INTS3: variants seen among roughly 807,000 people sequenced by gnomAD.
The protein encoded by INTS3 is SOSS complex subunit A.
INTS3 carries 34 observed loss-of-function variants against 146.3 expected under a neutral mutation model. The observed-to-expected ratio is 0.23, with a 90% CI of 0.18 to 0.31. INTS3 has a LOEUF of 0.31. Ranked by LOEUF, INTS3 falls within the 10% of genes least tolerant of loss-of-function variation. The pLI is 1.00. For synonymous variants in INTS3, 475 were observed against 494.9 expected, an observed-to-expected ratio of 0.96 and a Z score of 0.53; for missense variants, 757 against 1,304.2, an observed-to-expected ratio of 0.58 and a Z score of 6.46.
intron 1 of INTS3, among the ~76,000 whole-genome samples, chr1:153,738,724 T>A (rs141677747): frequency 6.6e-6 from 1 of 152,298 alleles, no homozygotes; most frequent in Non-Finnish European, 1.5e-5. Context: ...TACCATCCAT[T>A]GATGATGATA....
rs140515030 is a variant in INTS3 at position 153,772,238 on chromosome 1, T to C, written c.2721-102T>C. 1,474 of 1,338,202 alleles carry C rather than the reference T, an allele frequency of 1.1e-3. 19 individuals carry two copies. In the East Asian group the frequency reaches 0.024, roughly 22 times the overall value. 82.9% of individuals were successfully genotyped at this position (1,338,202 alleles called of 1,614,324 possible). ...CCCAGGCTGCCTATCCTGTTCCCCA[T>C]GTAGGCTGCCTCTGTCTTAAGGGGG... On this transcript the variant is annotated intron_variant, in intron 26 of 29. Transcript: ENST00000318967. This position sits in a 1 kb window ranked among gnomAD's most constrained non-coding sequence, Gnocchi z 4.6.
Position 153,760,594 on chromosome 1 carries a change from C to T in INTS3, c.1317+204C>T, listed in dbSNP as rs530824425. 1.6e-4 allele frequency: 97 copies of T among 624,706 alleles called. No individual in the cohort carries two copies. The African/African-American group carries it at 1.7e-3, about 11-fold the overall frequency. The allele number at this position is 624,706 out of a possible 1,614,324, so 38.7% of individuals were successfully genotyped here. A position where few individuals can be genotyped will look rare whatever the true frequency, so the allele number is the denominator to read the frequency against. On this transcript the variant is annotated intron_variant, in intron 12 of 29. Transcript: ENST00000318967. ...GATCTTCCCATTTTCTGTGGGGTTTCTCAATCACAAGGATGGTGACTCAAG... is the reference window on the plus strand; with the variant it reads ...GATCTTCCCATTTTCTGTGGGGTTTTTCAATCACAAGGATGGTGACTCAAG...
intron 21 of INTS3, 43 bp downstream of exon 21, chr1:153,767,870 A>C (rs1171556436): frequency 6.4e-7 from 1 of 1,551,560 alleles, no homozygotes; most frequent in Admixed American, 1.8e-5. Context: ...GCTCACAGGA[A>C]CACACCTCAG....
At chr1:153,746,770 G>A in intron 3 of INTS3, 187 bp from the exon 4 acceptor site, 1 of 568,676 alleles carries the variant, frequency 1.8e-6, no homozygotes, top group Non-Finnish European at 3.1e-6. Flanking sequence ...GACAGAACAA[G>A]GGATAGGTTG....
In INTS3 at chr1:153,764,044, C is replaced by T. The variant is rs1672485384; in HGVS notation, c.1822-74C>T. The T allele has an allele frequency of 4.4e-6, 6 of 1,372,802 alleles. No homozygotes were observed. In the Admixed American group the frequency reaches 5.0e-5, roughly 12 times the overall value. 85.0% of individuals were successfully genotyped at this position (1,372,802 alleles called of 1,614,324 possible). A position where few individuals can be genotyped will look rare whatever the true frequency, so the allele number is the denominator to read the frequency against. ...TCCTGGAGGTGGAAGCAGATGAGTT[C>T]CAAGACTGGGATCGTGGGGGCAGGA... On this transcript the variant is annotated intron_variant, in intron 17 of 29. Coordinates refer to ENST00000318967, the MANE Select transcript of INTS3 (RefSeq NM_023015.5).
intron 1 of INTS3, among the ~76,000 whole-genome samples, chr1:153,737,516 T>C (rs1478384839): frequency 1.3e-5 from 2 of 152,200 alleles, no homozygotes; most frequent in African/African-American, 4.8e-5. Flanking sequence ...TACTTTTTTT[T>C]TGGACAGAGT....
In INTS3 at chr1:153,728,830, G is replaced by A. The variant is rs757836919; in HGVS notation, c.150+46G>A. The A allele has an allele frequency of 3.6e-6, 4 of 1,118,614 alleles. No homozygotes were observed. The East Asian group carries it at 1.6e-4, about 45-fold the overall frequency. The allele number at this position is 1,118,614 out of a possible 1,614,324, so 69.3% of individuals were successfully genotyped here. ...GGGAGTTAAGAAATTGGGTTTTGGA[G>A]GGATACTGGAGCGGATACCGGGTGG... On this transcript the variant is annotated intron_variant, in intron 1 of 29. Coordinates refer to ENST00000318967, the MANE Select transcript of INTS3 (RefSeq NM_023015.5).
chr1:153,739,946 G>A (rs771710039), intron 1 of INTS3, among the ~76,000 whole-genome samples: 8 of 147,804 alleles, frequency 5.4e-5, no homozygotes, highest in Admixed American at 2.0e-4. Flanking sequence ...GATTACAGGC[G>A]CACACCACCA....
chr1:153,762,794 A>G lies in INTS3; in HGVS notation c.1583A>G (p.Tyr528Cys), dbSNP rs146465214. The change falls in exon 15 of 30, where the codon TAT becomes TGT. Residue 528 changes from tyrosine (Y) to cysteine (C), a missense_variant. Tyr to Cys is a radical substitution (Grantham distance 194). Coordinates refer to ENST00000318967, the MANE Select transcript of INTS3 (RefSeq NM_023015.5). ...ATGTCGGATAAGGATGAGAGTTGCT[A>G]TGACAATGCAGAGGCAGCCTTCAGT... is the stretch of plus-strand genomic sequence containing the variant. ...NHMSDKDESC[Y>C]DNAEAAFSDD... 6.2e-7 allele frequency: 1 copy of G among 1,614,180 alleles called. No homozygotes were observed. The highest frequency in any genetic ancestry group is 8.5e-7 in the Non-Finnish European group (1 of 1,180,022).
intron 18 of INTS3, among the ~76,000 whole-genome samples, 199 bp from the exon 19 acceptor site, chr1:153,764,491 C>T (rs948456037): frequency 6.6e-6 from 1 of 152,174 alleles, no homozygotes; most frequent in African/African-American, 2.4e-5. Flanking sequence ...TGGACCTTGG[C>T]CTGGAGCCTG....
intron 9 of INTS3, among the ~76,000 whole-genome samples, chr1:153,756,437 G>T (rs1672164489): frequency 6.6e-6 from 1 of 151,752 alleles, no homozygotes; most frequent in Non-Finnish European, 1.5e-5. Flanking sequence ...AGGAGGCTGT[G>T]GTGGGAGGAT....
intron 29 of INTS3, 42 bp from the exon 30 acceptor site, chr1:153,773,151 C>T: frequency 6.2e-7 from 1 of 1,613,382 alleles, no homozygotes; most frequent in Non-Finnish European, 8.5e-7. Context: ...CCAGCAGCTG[C>T]CCAGGCTGTT....
At position 153,762,771 on chromosome 1, in the gene INTS3, G is replaced by T. The variant is rs773031326; in HGVS notation, c.1560G>T (p.Met520Ile). The change falls in exon 15 of 30, where the codon ATG becomes ATT. Residue 520 changes from methionine (M) to isoleucine (I), a missense_variant. By Grantham distance (10) the Met-to-Ile change is conservative. Around this residue, in one of 8 missense-constraint regions of INTS3, gnomAD observed 97 missense variants for 113.6 expected, o/e 0.85. Coordinates refer to ENST00000318967, the MANE Select transcript of INTS3 (RefSeq NM_023015.5). The part of the protein sequence containing the change: ...EPVSMEMDNH[M>I]SDKDESCYDN... ...TTTCCATGGAGATGGACAACCATATGTCGGATAAGGATGAGAGTTGCTATG... is the reference window on the plus strand; with the variant it reads ...TTTCCATGGAGATGGACAACCATATTTCGGATAAGGATGAGAGTTGCTATG... 3.2e-5 allele frequency: 51 copies of T among 1,614,170 alleles called. No individual in the cohort carries two copies. Among genetic ancestry groups the T allele is most frequent in the Non-Finnish European group, 4.2e-5 (50 of 1,180,026 alleles).
chr1:153,730,627 A>T (rs1380952750), intron 1 of INTS3, among the ~76,000 whole-genome samples: 3 of 152,150 alleles, frequency 2.0e-5, no homozygotes, highest in Non-Finnish European at 4.4e-5. Context: ...AAATGAAATG[A>T]TGCAGCAGGA....
chr1:153,736,548 G>A (rs1464185459), intron 1 of INTS3, among the ~76,000 whole-genome samples: 3 of 149,452 alleles, frequency 2.0e-5, no homozygotes, highest in Non-Finnish European at 4.4e-5. Flanking sequence ...CCAGATTCAA[G>A]CAATTCTCCT....
In INTS3 at chr1:153,771,783, C is replaced by T; in HGVS notation, c.2553-13C>T. On this transcript the variant is annotated splice_polypyrimidine_tract_variant and intron_variant, in intron 25 of 29. Coordinates refer to ENST00000318967, the MANE Select transcript of INTS3 (RefSeq NM_023015.5). ...CTGTGCAAGCAGCACCCAGTGCCCC[C>T]TTCCTCCCCCAGGCCCAGCGAGGAG... is the stretch of plus-strand genomic sequence containing the variant. 2.5e-6 allele frequency: 4 copies of T among 1,606,338 alleles called. No homozygotes were observed. Among genetic ancestry groups the T allele is most frequent in the African/African-American group, 2.7e-5 (2 of 74,912 alleles).
intron 6 of INTS3, among the ~76,000 whole-genome samples, chr1:153,750,195 A>AC (rs1183479132): frequency 3.3e-5 from 5 of 152,174 alleles, no homozygotes; most frequent in African/African-American, 1.2e-4. Flanking sequence ...CTAATTAAAC[A>AC]CCATCTCATC....
In INTS3 at chr1:153,757,874, A is replaced by C; in HGVS notation, c.1149+111A>C. 1.3e-6 allele frequency: 1 copy of C among 769,166 alleles called. No homozygotes were observed. Among genetic ancestry groups the C allele is most frequent in the Non-Finnish European group, 2.1e-6 (1 of 470,596 alleles). 47.6% of individuals were successfully genotyped at this position (769,166 alleles called of 1,614,324 possible). ...CTTGACCCCTAAGGGCCCTTCTTTCACTCTGGTCTTCCAGAGTGTCTCAGC... is the reference window on the plus strand; with the variant it reads ...CTTGACCCCTAAGGGCCCTTCTTTCCCTCTGGTCTTCCAGAGTGTCTCAGC... On this transcript the variant is annotated intron_variant, in intron 10 of 29. Transcript: ENST00000318967. The surrounding 1 kb of genome is among the most constrained non-coding windows in gnomAD (Gnocchi z 4.0).
intron 11 of INTS3, chr1:153,759,850 G>A (rs893300784): frequency 1.8e-6 from 1 of 557,270 alleles, no homozygotes; most frequent in Non-Finnish European, 3.2e-6. Context: ...CTTCAGGAGG[G>A]GAGGGCATGG....
Sources: allele counts gnomAD v4.1 joint callset (sites outside exome capture counted in the v4.1 genomes callset), GRCh38; gene constraint gnomAD v4.1.1; regional missense constraint gnomAD v4.1.1; non-coding constraint Gnocchi (gnomAD v3.1); transcripts MANE v1.5; gene names NCBI Gene and HGNC (gene_info 2026-07-23, HGNC 2026-07-21).